Variants in AIFM2 observed in about 807,000 individuals in gnomAD.
The protein encoded by AIFM2 is AIF family member 2, ferroptosis suppressor.
In AIFM2, 38 loss-of-function variants were observed where a neutral mutation model predicts 35.7. The observed-to-expected ratio is 1.06, with a 90% CI of 0.82 to 1.39. The LOEUF (loss-of-function observed/expected upper bound fraction) is 1.39. Ranked by LOEUF, AIFM2 falls within the 40% of genes most tolerant of loss-of-function variation. The pLI, the probability that AIFM2 is intolerant of heterozygous loss-of-function variation, is 0.00. For missense variants in AIFM2, 476 were observed against 491.2 expected (o/e 0.97, Z 0.29); for synonymous variants, 185 against 203.5 (o/e 0.91, Z 0.77).
In AIFM2 at chr10:70,113,940, C is replaced by G. The variant is rs116779954; in HGVS notation, c.*238G>C. 205 of 517,776 alleles carry G rather than the reference C, an allele frequency of 4.0e-4. No individual in the cohort carries two copies. Among genetic ancestry groups the G allele is most frequent in the African/African-American group, 3.8e-3 (198 of 51,868 alleles). 32.1% of individuals were successfully genotyped at this position (517,776 alleles called of 1,614,324 possible). A position where few individuals can be genotyped will look rare whatever the true frequency, so the allele number is the denominator to read the frequency against. Reference sequence around the variant, plus strand: ...GCAGCCAGCACACATGAGCCGCTCACCCAGTACCACAGCAAGCACACCTTC... The same window carrying G: ...GCAGCCAGCACACATGAGCCGCTCAGCCAGTACCACAGCAAGCACACCTTC... On this transcript the variant is annotated 3_prime_UTR_variant, in exon 9 of 9. Coordinates refer to ENST00000307864, the MANE Select transcript of AIFM2 (RefSeq NM_032797.6).
chr10:70,125,489 G>A (rs73273541), intron 1 of AIFM2, among the ~76,000 whole-genome samples: 8,529 of 145,360 alleles, frequency 0.059, 676 homozygotes, highest in African/African-American at 0.18. Context: ...GTGGTGATGG[G>A]CACCTATAGG....
chr10:70,121,797 A>T (rs1261696248), intron 3 of AIFM2, among the ~76,000 whole-genome samples: 1 of 140,984 alleles, frequency 7.1e-6, no homozygotes, highest in African/African-American at 3.1e-5. Context: ...AATTAAAAAT[A>T]AAAAAAATTT....
intron 4 of AIFM2, 65 bp downstream of exon 4, chr10:70,121,027 T>C (rs2072497003): frequency 1.3e-6 from 2 of 1,569,468 alleles, no homozygotes; most frequent in Middle Eastern, 1.7e-4. Context: ...GCTGCAGGCC[T>C]AGGCATCCCC....
intron 1 of AIFM2, among the ~76,000 whole-genome samples, chr10:70,126,455 T>C (rs553451339): frequency 5.5e-4 from 83 of 152,148 alleles, no homozygotes; most frequent in Non-Finnish European, 1.1e-3. Flanking sequence ...GGAAGTGTGT[T>C]CCAGCTCATC....
In AIFM2 at chr10:70,113,939, A is replaced by G; in HGVS notation, c.*239T>C. 1 of 508,884 alleles carries G rather than the reference A, an allele frequency of 2.0e-6. No homozygotes were observed. Among genetic ancestry groups the G allele is most frequent in the African/African-American group, 1.9e-5 (1 of 51,692 alleles). The allele number at this position is 508,884 out of a possible 1,614,324, so 31.5% of individuals were successfully genotyped here. Reference sequence around the variant, plus strand: ...TGCAGCCAGCACACATGAGCCGCTCACCCAGTACCACAGCAAGCACACCTT... The same window carrying G: ...TGCAGCCAGCACACATGAGCCGCTCGCCCAGTACCACAGCAAGCACACCTT... On this transcript the variant is annotated 3_prime_UTR_variant, in exon 9 of 9. Transcript: ENST00000307864.
In AIFM2 at chr10:70,116,679, G is replaced by A; in HGVS notation, c.712C>T (p.Leu238=). The A allele has an allele frequency of 6.2e-7, 1 of 1,614,194 alleles. No individual in the cohort carries two copies. Among genetic ancestry groups the A allele is most frequent in the Non-Finnish European group, 8.5e-7 (1 of 1,180,036 alleles). ...TTGATGCCGGTGCAGAGAATCACCA[G>A]GTTGGTGGCCACCTCTGTGCCTTTG... is the stretch of plus-strand genomic sequence containing the variant. ...TDKGTEVATN[L]VILCTGIKIN... is the part of the protein sequence containing the mutation. Residue 238 remains leucine, a synonymous_variant, in exon 7 of 9, where the codon CTG becomes TTG. Transcript: ENST00000307864.
At position 70,115,045 on chromosome 10, in the gene AIFM2, G is replaced by T; in HGVS notation, c.845C>A (p.Ala282Asp). 1 of 1,614,238 alleles carries T rather than the reference G, an allele frequency of 6.2e-7. No individual in the cohort carries two copies. Among genetic ancestry groups the T allele is most frequent in the East Asian group, 2.2e-5 (1 of 44,880 alleles). Residue 282 changes from alanine (A) to aspartate (D), a missense_variant, in exon 8 of 9, where the codon GCC becomes GAC. By Grantham distance (126) the Ala-to-Asp change is moderately radical (BLOSUM62 -2). Coordinates refer to ENST00000307864, the MANE Select transcript of AIFM2 (RefSeq NM_032797.6). ...CCTCACGTCGGCACAGTCACCAATG[G>T]CGTAGACGTTGCTGTGGCCCTCCAC... is the stretch of plus-strand genomic sequence containing the variant. ...LQVEGHSNVY[A>D]IGDCADVRTP...
Position 70,116,681 on chromosome 10 carries a change from T to A in AIFM2, c.710A>T (p.Asn237Ile). 1 of 1,614,144 alleles carries A rather than the reference T, an allele frequency of 6.2e-7. No individual in the cohort carries two copies. The highest frequency in any genetic ancestry group is 8.5e-7 in the Non-Finnish European group (1 of 1,180,026). ...QTDKGTEVAT[N>I]LVILCTGIKI... Reference sequence around the variant, plus strand: ...GATGCCGGTGCAGAGAATCACCAGGTTGGTGGCCACCTCTGTGCCTTTGTC... The same window carrying A: ...GATGCCGGTGCAGAGAATCACCAGGATGGTGGCCACCTCTGTGCCTTTGTC... The change falls in exon 7 of 9, where the codon AAC (asparagine) becomes ATC (isoleucine). Residue 237 changes from asparagine to isoleucine, a missense_variant. Coordinates refer to ENST00000307864, the MANE Select transcript of AIFM2 (RefSeq NM_032797.6).
intron 3 of AIFM2, 45 bp from the exon 4 acceptor site, chr10:70,121,256 GAGGGT>G (rs748838308): frequency 2.8e-6 from 4 of 1,420,104 alleles, no homozygotes; most frequent in African/African-American, 3.1e-5. Flanking sequence ...AAAAAAAGAT[GAGGGT>G]AGGGCAGGGC....
At position 70,131,313 on chromosome 10, in the gene AIFM2, G is replaced by T. The variant is rs988334242; in HGVS notation, c.-14+1421C>A. Among the ~76,000 whole-genome samples the T allele has an allele frequency of 3.9e-5, 6 of 152,306 alleles. No individual in the cohort carries two copies. The South Asian group carries it at 1.2e-3, about 32-fold the overall frequency. ...CCGGATAAGAAGGCCACTACAGCAC[G>T]ACTCACAGCACCATGGAGGTTTCCT... On this transcript the variant is annotated intron_variant, in intron 1 of 8. Transcript: ENST00000307864. This position sits in a 1 kb window ranked among gnomAD's most constrained non-coding sequence, Gnocchi z 4.1.
In AIFM2 at chr10:70,113,962, C is replaced by T. The variant is rs2072404229; in HGVS notation, c.*216G>A. On this transcript the variant is annotated 3_prime_UTR_variant, in exon 9 of 9. Transcript: ENST00000307864. The stretch of plus-strand genomic sequence containing the variant: ...TCACCCAGTACCACAGCAAGCACAC[C>T]TTCCAAACCCAGAAAGTATCCTCTA... The T allele has an allele frequency of 1.6e-6, 1 of 606,258 alleles. No homozygotes were observed. Among genetic ancestry groups the T allele is most frequent in the African/African-American group, 1.9e-5 (1 of 53,544 alleles). The allele number at this position is 606,258 out of a possible 1,614,324, so 37.6% of individuals were successfully genotyped here. A position where few individuals can be genotyped will look rare whatever the true frequency, so the allele number is the denominator to read the frequency against.
chr10:70,132,304 G>A (rs1216364251), intron 1 of AIFM2, among the ~76,000 whole-genome samples: 3 of 152,138 alleles, frequency 2.0e-5, no homozygotes, highest in African/African-American at 4.8e-5. Flanking sequence ...AGAGACTGAG[G>A]TTTCTCCCTT....
At chr10:70,114,896 CA>C in intron 8 of AIFM2, 23 bp downstream of exon 8, 1 of 1,611,850 alleles carries the variant, frequency 6.2e-7, no homozygotes, top group Non-Finnish European at 8.5e-7. Context: ...ATTAAAACTG[CA>C]AAGCACATGG....
intron 5 of AIFM2, among the ~76,000 whole-genome samples, chr10:70,119,282 A>T (rs536070534): frequency 6.6e-6 from 1 of 152,348 alleles, no homozygotes; most frequent in African/African-American, 2.4e-5. Flanking sequence ...CAGCTGCTCT[A>T]GCAAATTATT....
Position 70,120,507 on chromosome 10 carries a change from C to G in AIFM2, c.507G>C (p.Glu169Asp). The change falls in exon 5 of 9, where the codon GAG becomes GAC. Residue 169 changes from glutamate (E) to aspartate (D), a missense_variant and splice_region_variant. Physicochemically the swap from Glu to Asp is conservative, Grantham distance 45 (BLOSUM62 2). Coordinates refer to ENST00000307864, the MANE Select transcript of AIFM2 (RefSeq NM_032797.6). ...AEIKTEYPEK[E>D]VTLIHSQVAL... ...TCCAAGGCAAGGCAGCCTGGCTCAC[C>G]TCTTTCTCAGGATATTCTGTTTTAA... is the stretch of plus-strand genomic sequence containing the variant. 1 of 1,614,204 alleles carries G rather than the reference C, an allele frequency of 6.2e-7. No individual in the cohort carries two copies. Among genetic ancestry groups the G allele is most frequent in the Non-Finnish European group, 8.5e-7 (1 of 1,180,022 alleles).
intron 1 of AIFM2, among the ~76,000 whole-genome samples, chr10:70,130,866 C>T (rs911284781): frequency 2.6e-5 from 4 of 152,058 alleles, no homozygotes; most frequent in African/African-American, 9.7e-5. Flanking sequence ...CGGAACAAAC[C>T]CTGATTGTCC....
rs576513276 is a variant in AIFM2, at chr10:70,114,656, T to G, written c.970+264A>C. ...CACCTGGCTAATTTTGTATTTTTAG[T>G]AGAGACGGGGTTTCTCCATGTTGGT... On this transcript the variant is annotated intron_variant, in intron 8 of 8. Transcript: ENST00000307864. The G allele has an allele frequency of 5.8e-6, 3 of 516,710 alleles. No homozygotes were observed. The South Asian group carries it at 6.2e-5, about 11-fold the overall frequency. The allele number at this position is 516,710 out of a possible 1,614,324, so 32.0% of individuals were successfully genotyped here.
chr10:70,115,196 A>C, intron 7 of AIFM2, 76 bp from the exon 8 acceptor site: 1 of 1,478,740 alleles, frequency 6.8e-7, no homozygotes, highest in Non-Finnish European at 9.3e-7. Flanking sequence ...GGAGAGGGCG[A>C]GCTCTAGACA....
At chr10:70,116,835 C>G in intron 6 of AIFM2, 61 bp from the exon 7 acceptor site, 1 of 1,597,526 alleles carries the variant, frequency 6.3e-7, no homozygotes, top group Non-Finnish European at 8.6e-7. Flanking sequence ...AGCCTGGACC[C>G]CAGGCCAAGG....
Sources: gnomAD v4.1 joint callset for allele counts (sites outside exome capture counted in the v4.1 genomes callset) on GRCh38, gnomAD v4.1.1 for gene constraint, Gnocchi (gnomAD v3.1) non-coding constraint, MANE v1.5 for transcripts, NCBI Gene and HGNC (gene_info 2026-07-23, HGNC 2026-07-21) for gene names.